MYO16: variants seen among roughly 807,000 people sequenced by gnomAD.
MYO16 encodes unconventional myosin-XVI.
MYO16 carries 94 observed loss-of-function variants against 205.3 expected under a neutral mutation model. The observed-to-expected ratio is 0.46, with a 90% CI of 0.39 to 0.54. The LOEUF is 0.54. MYO16 is among the 20% of genes least tolerant of loss of function. The pLI, the probability that MYO16 is intolerant of heterozygous loss-of-function variation, is 0.00. For missense variants in MYO16, 2,315 were observed against 2,387.5 expected (o/e 0.97, Z 0.63); for synonymous variants, 988 against 954.0 (o/e 1.04, Z -0.66).
At chr13:108,955,686 A>T (rs1297376820) in intron 16 of MYO16, among the ~76,000 whole-genome samples, 2 of 152,142 alleles carry the variant, frequency 1.3e-5, no homozygotes, top group Non-Finnish European at 2.9e-5. Context: ...ACTCGTCTCT[A>T]CTAAAAATAC....
intron 27 of MYO16, among the ~76,000 whole-genome samples, chr13:109,060,247 A>G (rs1055505457): frequency 6.6e-6 from 1 of 152,224 alleles, no homozygotes; most frequent in Non-Finnish European, 1.5e-5. Flanking sequence ...AATGCCCATC[A>G]ATGATAGACT....
chr13:108,640,627 T>C (rs772198604), intron 1 of MYO16, among the ~76,000 whole-genome samples: 1 of 152,192 alleles, frequency 6.6e-6, no homozygotes, highest in Non-Finnish European at 1.5e-5. Flanking sequence ...CCATCTATCC[T>C]TTCACATTCA....
intron 1 of MYO16, among the ~76,000 whole-genome samples, chr13:108,660,672 T>G (rs1881463557): frequency 6.6e-6 from 1 of 152,178 alleles, no homozygotes; most frequent in Admixed American, 6.5e-5. Context: ...AGTCCTTATG[T>G]GTTAGGTGAG....
chr13:108,838,078 C>T (rs1003419045), intron 9 of MYO16, among the ~76,000 whole-genome samples: 2 of 152,080 alleles, frequency 1.3e-5, no homozygotes, highest in Admixed American at 1.3e-4. Flanking sequence ...CAGTGTGGCA[C>T]ATGGGTAAGC....
chr13:109,165,785 A>T (rs1194154255), intron 33 of MYO16, among the ~76,000 whole-genome samples: 1 of 152,172 alleles, frequency 6.6e-6, no homozygotes, highest in Admixed American at 6.5e-5. Flanking sequence ...CATTGTTCAG[A>T]GAAGGCAGCT....
chr13:108,838,093 A>C (rs1273300433), intron 9 of MYO16, among the ~76,000 whole-genome samples: 1 of 152,210 alleles, frequency 6.6e-6, no homozygotes, highest in Non-Finnish European at 1.5e-5. Context: ...GTAAGCACAC[A>C]GGTTCTGGAG....
intron 21 of MYO16, among the ~76,000 whole-genome samples, chr13:108,993,538 C>T (rs1258666223): frequency 2.0e-5 from 3 of 152,134 alleles, no homozygotes; most frequent in Non-Finnish European, 4.4e-5. Context: ...ATTACGCTGA[C>T]TTACCTAATC....
At chr13:109,001,297 G>A (rs866115245) in intron 21 of MYO16, among the ~76,000 whole-genome samples, 7 of 152,044 alleles carry the variant, frequency 4.6e-5, no homozygotes, top group Non-Finnish European at 8.8e-5. Context: ...GGGTGGTAGC[G>A]AATGTGTGCC....
chr13:109,125,033 T>C lies in MYO16; in HGVS notation c.3536-79T>C, dbSNP rs1367145401. 9 of 1,436,804 alleles carry C rather than the reference T, an allele frequency of 6.3e-6. No homozygotes were observed. In the East Asian group the frequency reaches 1.8e-4, roughly 29 times the overall value. 89.0% of individuals were successfully genotyped at this position (1,436,804 alleles called of 1,614,324 possible). A position where few individuals can be genotyped will look rare whatever the true frequency, so the allele number is the denominator to read the frequency against. On this transcript the variant is annotated intron_variant, in intron 29 of 34. Coordinates refer to ENST00000457511, the MANE Select transcript of MYO16 (RefSeq NM_001198950.3). The surrounding 1 kb of genome is among the most constrained non-coding windows in gnomAD (Gnocchi z 4.0). ...TATTCTACAACTGCTCAGAGATAAGTATATTATGATTTTTGTTTGTGCATG... is the reference window on the plus strand; with the variant it reads ...TATTCTACAACTGCTCAGAGATAAGCATATTATGATTTTTGTTTGTGCATG...
intron 1 of MYO16, among the ~76,000 whole-genome samples, chr13:108,634,737 G>A (rs1880147944): frequency 6.6e-6 from 1 of 152,162 alleles, no homozygotes; most frequent in African/African-American, 2.4e-5. Context: ...GTCTTCTTCT[G>A]CAGCTCTTGG....
chr13:108,665,376 C>T (rs1331902411), intron 1 of MYO16, among the ~76,000 whole-genome samples: 1 of 152,096 alleles, frequency 6.6e-6, no homozygotes, highest in Admixed American at 6.6e-5. Flanking sequence ...CCTCTCAAAT[C>T]ACTGGGATTA....
intron 4 of MYO16, among the ~76,000 whole-genome samples, chr13:108,754,570 A>G (rs1252365912): frequency 6.6e-6 from 1 of 152,190 alleles, no homozygotes; most frequent in East Asian, 1.9e-4. Context: ...AAAGAAATAG[A>G]TTTAAAAATG....
chr13:108,868,484 G>C (rs922389117), intron 12 of MYO16, among the ~76,000 whole-genome samples: 2 of 151,856 alleles, frequency 1.3e-5, no homozygotes, highest in African/African-American at 4.8e-5. Flanking sequence ...CTTTAAAATT[G>C]GTTCATCTAC....
intron 28 of MYO16, 129 bp from the exon 29 acceptor site, chr13:109,120,241 C>T (rs1245637209): frequency 1.6e-6 from 1 of 628,082 alleles, no homozygotes; most frequent in Non-Finnish European, 2.8e-6. Flanking sequence ...GAATCAGAGA[C>T]ATGTACTCTA....
chr13:109,117,398 GTATA>G (rs111482652), intron 28 of MYO16, among the ~76,000 whole-genome samples: 12 of 146,028 alleles, frequency 8.2e-5, no homozygotes, highest in African/African-American at 3.0e-4. Flanking sequence ...GTGTATATAT[GTATA>G]TATATATGTG....
At chr13:109,072,977 G>T (rs1887972860) in intron 27 of MYO16, among the ~76,000 whole-genome samples, 1 of 152,022 alleles carries the variant, frequency 6.6e-6, no homozygotes, top group Non-Finnish European at 1.5e-5. Context: ...AGCTAATTGA[G>T]TGCCCTTGCA....
At chr13:109,177,783 TG>T (rs1336948218) in intron 33 of MYO16, among the ~76,000 whole-genome samples, 1 of 152,210 alleles carries the variant, frequency 6.6e-6, no homozygotes, top group Non-Finnish European at 1.5e-5. Flanking sequence ...CCCAAAGTAC[TG>T]GGATTACAGG....
At chr13:108,723,430 G>A (rs1314497805) in intron 3 of MYO16, among the ~76,000 whole-genome samples, 1 of 151,910 alleles carries the variant, frequency 6.6e-6, no homozygotes. Context: ...TTTCTGTTAT[G>A]TTCTTTTTAG....
intron 13 of MYO16, among the ~76,000 whole-genome samples, chr13:108,885,854 G>A (rs1473003276): frequency 6.6e-6 from 1 of 152,148 alleles, no homozygotes; most frequent in Non-Finnish European, 1.5e-5. Context: ...CCCGGGAGAT[G>A]GCACACAGCG....
Sources: allele counts gnomAD v4.1 joint callset (sites outside exome capture counted in the v4.1 genomes callset), GRCh38; gene constraint gnomAD v4.1.1; non-coding constraint Gnocchi (gnomAD v3.1); transcripts MANE v1.5; gene names NCBI Gene and HGNC (gene_info 2026-07-23, HGNC 2026-07-21).